Variants in PCDHGA2 observed in about 807,000 individuals in gnomAD.
The protein encoded by PCDHGA2 is protocadherin gamma subfamily A, 2, also known as protocadherin gamma-A2.
A neutral mutation model predicts 59.2 loss-of-function variants in PCDHGA2; 40 were observed. That is an observed-to-expected ratio of 0.68 (90% confidence interval 0.52 to 0.88). PCDHGA2 has a LOEUF of 0.88. PCDHGA2 is among the 40% of genes least tolerant of loss of function. The pLI, the probability that PCDHGA2 is intolerant of heterozygous loss-of-function variation, is 0.00. For synonymous variants in PCDHGA2, 560 were observed against 526.0 expected (o/e 1.06, Z -0.89); for missense variants, 1,226 against 1,204.0 (o/e 1.02, Z -0.27).
Position 141,361,680 on chromosome 5 carries a change from C to G in PCDHGA2, c.2424+20285C>G, listed in dbSNP as rs369369005. On this transcript the variant is annotated intron_variant, in intron 1 of 3. Transcript: ENST00000394576. ...TGAGCGCGCAGAGCGGGGTGGTGTT[C>G]GCGCAGCGCGCCTTCGATCATGAGC... The G allele has an allele frequency of 6.8e-6, 11 of 1,613,576 alleles. No individual in the cohort carries two copies. The South Asian group carries it at 1.2e-4, about 18-fold the overall frequency.
At chr5:141,505,332 A>C in intron 2 of PCDHGA2, 61 bp from the exon 3 acceptor site, 1 of 1,610,872 alleles carries the variant, frequency 6.2e-7, no homozygotes, top group South Asian at 1.1e-5. Flanking sequence ...GGGAGAGGAC[A>C]GGAGGGGCAT....
chr5:141,419,656 G>C lies in PCDHGA2; in HGVS notation c.2425-75151G>C. The C allele has an allele frequency of 1.9e-6, 3 of 1,612,648 alleles. No homozygotes were observed. The East Asian group carries it at 6.7e-5, about 36-fold the overall frequency. ...TGGTGGCCGTGGACGCGGACTCGGGGCACAATGCCTGGCTGTCCTACCACG... is the reference window on the plus strand; with the variant it reads ...TGGTGGCCGTGGACGCGGACTCGGGCCACAATGCCTGGCTGTCCTACCACG... On this transcript the variant is annotated intron_variant, in intron 1 of 3. Transcript: ENST00000394576.
At chr5:141,372,221 G>T (rs1229058896) in intron 1 of PCDHGA2, 1 of 1,613,516 alleles carries the variant, frequency 6.2e-7, no homozygotes, top group African/African-American at 1.3e-5. Context: ...ACCACATTGT[G>T]CAGGCCAGCG....
chr5:141,423,237 C>T (rs761825236), intron 1 of PCDHGA2: 74 of 1,613,798 alleles, frequency 4.6e-5, no homozygotes, highest in Middle Eastern at 3.3e-4. Flanking sequence ...ACAGCATCCC[C>T]GAAGTCCTGG....
intron 1 of PCDHGA2, chr5:141,345,497 T>C: frequency 6.2e-7 from 1 of 1,614,096 alleles, no homozygotes; most frequent in African/African-American, 1.3e-5. Context: ...CCCGCATCAC[T>C]TATGCATTGA....
chr5:141,361,508 T>A (rs1762052738), intron 1 of PCDHGA2: 1 of 1,613,910 alleles, frequency 6.2e-7, no homozygotes, highest in Admixed American at 1.7e-5. Context: ...ACTTCCTACA[T>A]GGTTCACGTG....
chr5:141,409,769 G>A (rs1413636372), intron 1 of PCDHGA2: 19 of 1,612,658 alleles, frequency 1.2e-5, no homozygotes, highest in Non-Finnish European at 1.5e-5. Context: ...CTTTGATCAC[G>A]AGCAGCTGCG....
intron 2 of PCDHGA2, among the ~76,000 whole-genome samples, chr5:141,495,623 C>T (rs990126072): frequency 3.3e-5 from 5 of 152,208 alleles, no homozygotes; most frequent in South Asian, 2.1e-4. Context: ...GCACCTCAGC[C>T]TCAGTCCCTT....
chr5:141,432,288 A>C lies in PCDHGA2; in HGVS notation c.2425-62519A>C. ...TCGTCCTACGTGTCCATCAACTCCG[A>C]CACTGGGGTACTGTATGCGCTGAGC... On this transcript the variant is annotated intron_variant, in intron 1 of 3. Coordinates refer to ENST00000394576, the MANE Select transcript of PCDHGA2 (RefSeq NM_018915.4). This position sits in a 1 kb window ranked among gnomAD's most constrained non-coding sequence, Gnocchi z 6.0. 1 of 1,614,192 alleles carries C rather than the reference A, an allele frequency of 6.2e-7. No individual in the cohort carries two copies. Among genetic ancestry groups the C allele is most frequent in the Non-Finnish European group, 8.5e-7 (1 of 1,180,018 alleles).
At chr5:141,389,649 G>A in intron 1 of PCDHGA2, 2 of 1,612,716 alleles carry the variant, frequency 1.2e-6, no homozygotes, top group Non-Finnish European at 1.7e-6. Context: ...GGTGACCAAG[G>A]TAGTGGCGGT....
At chr5:141,365,903 T>C (rs776227569) in intron 1 of PCDHGA2, 1 of 1,614,140 alleles carries the variant, frequency 6.2e-7, no homozygotes, top group Non-Finnish European at 8.5e-7. Context: ...CTATGAGCAG[T>C]TGAGAGACCT....
At chr5:141,499,029 A>AAGGAAGGAAGGAAGGAAGGAAGG (rs1562187768) in intron 2 of PCDHGA2, among the ~76,000 whole-genome samples, 1 of 139,968 alleles carries the variant, frequency 7.1e-6, no homozygotes, top group African/African-American at 2.8e-5. Flanking sequence ...AGGAAGGAAG[A>AAGGAAGGAAGGAAGGAAGGAAGG]AAAGAAAGAA....
rs769872504 is a variant in PCDHGA2, at chr5:141,394,062, A to G, written c.2424+52667A>G. 2.5e-6 allele frequency: 4 copies of G among 1,613,808 alleles called. No homozygotes were observed. The South Asian group carries it at 4.4e-5, about 18-fold the overall frequency. On this transcript the variant is annotated intron_variant, in intron 1 of 3. Coordinates refer to ENST00000394576, the MANE Select transcript of PCDHGA2 (RefSeq NM_018915.4). ...ATATTTGGACCGAGAAAATGTCTCT[A>G]TCTACAATATCACAGTGATGGCCTC... is the stretch of plus-strand genomic sequence containing the variant.
chr5:141,370,507 C>T, intron 1 of PCDHGA2: 3 of 1,613,920 alleles, frequency 1.9e-6, no homozygotes, highest in Non-Finnish European at 2.5e-6. Context: ...TACGCTATTC[C>T]CGAGGAGCTG....
chr5:141,462,999 C>T (rs1360054048), intron 1 of PCDHGA2, among the ~76,000 whole-genome samples: 1 of 152,068 alleles, frequency 6.6e-6, no homozygotes, highest in Non-Finnish European at 1.5e-5. Flanking sequence ...TAATTTAGAC[C>T]TACCACTTAA....
At chr5:141,444,129 T>C (rs897901109) in intron 1 of PCDHGA2, among the ~76,000 whole-genome samples, 3 of 147,096 alleles carry the variant, frequency 2.0e-5, no homozygotes, top group African/African-American at 5.0e-5. Context: ...TCTCAACAGA[T>C]ATGTGTCACT....
intron 1 of PCDHGA2, among the ~76,000 whole-genome samples, chr5:141,363,469 T>G (rs892599047): frequency 2.0e-5 from 3 of 152,254 alleles, no homozygotes; most frequent in African/African-American, 4.8e-5. Context: ...TATCTGCTCA[T>G]GCTTTCCTGC....
chr5:141,399,525 C>T (rs1170362164), intron 1 of PCDHGA2: 1 of 1,614,058 alleles, frequency 6.2e-7, no homozygotes, highest in East Asian at 2.2e-5. Flanking sequence ...CTGGGGCCTC[C>T]ATCGCGCAAG....
chr5:141,393,051 C>G, intron 1 of PCDHGA2: 1 of 1,613,622 alleles, frequency 6.2e-7, no homozygotes, highest in South Asian at 1.1e-5. Flanking sequence ...TCTGAACCCG[C>G]GCAGCGGCAG....
Sources: allele counts gnomAD v4.1 joint callset (sites outside exome capture counted in the v4.1 genomes callset), GRCh38; gene constraint gnomAD v4.1.1; non-coding constraint Gnocchi (gnomAD v3.1); transcripts MANE v1.5; gene names NCBI Gene and HGNC (gene_info 2026-07-23, HGNC 2026-07-21).